Variants in CCDC149 observed in about 807,000 individuals in gnomAD.
The protein encoded by CCDC149 is coiled-coil domain-containing protein 149.
CCDC149 carries 45 observed loss-of-function variants against 59.9 expected under a neutral mutation model. The ratio of observed to expected loss-of-function variants is 0.75; its 90% CI spans 0.59 to 0.96. CCDC149 has a LOEUF of 0.96. CCDC149 is among the 40% of genes least tolerant of loss of function. CCDC149 has a pLI of 0.00. For synonymous variants in CCDC149, 245 were observed against 260.6 expected, an observed-to-expected ratio of 0.94 and a Z score of 0.58; for missense variants, 584 against 664.7, an observed-to-expected ratio of 0.88 and a Z score of 1.33.
At chr4:24,930,957 T>A (rs1442959180) in intron 1 of CCDC149, among the ~76,000 whole-genome samples, 1 of 152,144 alleles carries the variant, frequency 6.6e-6, no homozygotes, top group Non-Finnish European at 1.5e-5. Context: ...CTTCAAAGGA[T>A]TCTCACTGGT....
At chr4:24,841,416 G>A (rs977670106) in intron 4 of CCDC149, among the ~76,000 whole-genome samples, 8 of 152,162 alleles carry the variant, frequency 5.3e-5, no homozygotes, top group South Asian at 2.1e-4. Context: ...TTTATATATT[G>A]GATGCCTGTT....
intron 1 of CCDC149, among the ~76,000 whole-genome samples, chr4:24,958,841 G>T (rs559270772): frequency 1.3e-5 from 2 of 152,176 alleles, no homozygotes; most frequent in African/African-American, 4.8e-5. Flanking sequence ...AGACCTGCCT[G>T]GCCAACATGG....
intron 1 of CCDC149, among the ~76,000 whole-genome samples, chr4:24,908,746 GA>G (rs1721692932): frequency 6.6e-6 from 1 of 152,224 alleles, no homozygotes; most frequent in Non-Finnish European, 1.5e-5. Flanking sequence ...ACTTTGGGCG[GA>G]GGCCCATGGT....
At position 24,866,443 on chromosome 4, in the gene CCDC149, C is replaced by T. The variant is rs528081216; in HGVS notation, c.264+7238G>A. On this transcript the variant is annotated intron_variant, in intron 3 of 12. Coordinates refer to ENST00000635206, the MANE Select transcript of CCDC149 (RefSeq NM_001330643.2). ...AAATTAACCCGAGATAATTTAATTG[C>T]CCCTTTGTCTGCTTTGCAGGAACTG... 5.9e-5 allele frequency among the ~76,000 whole-genome samples: 9 copies of T among 152,252 alleles called. 1 individual carries two copies. The South Asian group carries it at 1.5e-3, about 25-fold the overall frequency.
chr4:24,878,749 T>G (rs1293695556), intron 1 of CCDC149, among the ~76,000 whole-genome samples: 1 of 152,194 alleles, frequency 6.6e-6, no homozygotes, highest in Admixed American at 6.5e-5. Flanking sequence ...CATGAAGACA[T>G]TGGAAGCTGC....
Position 24,808,315 on chromosome 4 carries a change from G to T in CCDC149, c.*74C>A. 1 of 1,325,188 alleles carries T rather than the reference G, an allele frequency of 7.5e-7. No homozygotes were observed. The highest frequency in any genetic ancestry group is 9.9e-7 in the Non-Finnish European group (1 of 1,008,506). The allele number at this position is 1,325,188 out of a possible 1,614,324, so 82.1% of individuals were successfully genotyped here. A position where few individuals can be genotyped will look rare whatever the true frequency, so the allele number is the denominator to read the frequency against. ...TATTTCAGGAGAAGGCGACGTGAGC[G>T]CACCATTCCGATGCTTCATTCTTGA... On this transcript the variant is annotated 3_prime_UTR_variant, in exon 13 of 13. Transcript: ENST00000635206.
At position 24,878,102 on chromosome 4, in the gene CCDC149, C is replaced by T. The variant is rs138841506; in HGVS notation, c.64-1405G>A. On this transcript the variant is annotated intron_variant, in intron 1 of 12. Transcript: ENST00000635206. ...ACTGGAGTCAATGCTCTTTTATGGACAAAAAGCATTACTCATATATAGTGC... is the reference window on the plus strand; with the variant it reads ...ACTGGAGTCAATGCTCTTTTATGGATAAAAAGCATTACTCATATATAGTGC... Among the ~76,000 whole-genome samples, 870 of 148,206 alleles carry T rather than the reference C, an allele frequency of 5.9e-3. 4 individuals carry two copies. The highest frequency in any genetic ancestry group is 0.021 in the African/African-American group (835 of 39,988).
At chr4:24,906,528 A>T (rs550174711) in intron 1 of CCDC149, among the ~76,000 whole-genome samples, 1 of 151,862 alleles carries the variant, frequency 6.6e-6, no homozygotes, top group African/African-American at 2.4e-5. Flanking sequence ...CCTCCCGAGT[A>T]GCTGGGATTA....
intron 1 of CCDC149, among the ~76,000 whole-genome samples, chr4:24,948,228 G>A (rs1723178232): frequency 6.6e-6 from 1 of 152,172 alleles, no homozygotes; most frequent in Non-Finnish European, 1.5e-5. Flanking sequence ...TGTTCTCGAG[G>A]ACAAATTAGG....
chr4:24,887,017 A>C (rs1354177721), intron 1 of CCDC149, among the ~76,000 whole-genome samples: 1 of 151,990 alleles, frequency 6.6e-6, no homozygotes, highest in Admixed American at 6.6e-5. Flanking sequence ...AGAGCTTACA[A>C]CTCATTTGTC....
Position 24,811,872 on chromosome 4 carries a change from C to CAA in CCDC149, c.1193-3055_1193-3054dup, listed in dbSNP as rs35269758. Among the ~76,000 whole-genome samples the CAA allele has an allele frequency of 4.8e-3, 649 of 135,034 alleles. 5 individuals are homozygous for CAA. The highest frequency in any genetic ancestry group is 0.017 in the African/African-American group (624 of 36,804). 88.6% of individuals were successfully genotyped at this position (135,034 alleles called of 152,430 possible). The stretch of plus-strand genomic sequence containing the variant: ...TGGGCTACAGAGTGAGACTCCGACT[C>CAA]AAAAAAAAAAAAAAAAAATTTCACT... On this transcript the variant is annotated intron_variant, in intron 12 of 12. Transcript: ENST00000635206.
At chr4:24,973,482 CT>C (rs1724044789) in intron 1 of CCDC149, among the ~76,000 whole-genome samples, 1 of 152,130 alleles carries the variant, frequency 6.6e-6, no homozygotes, top group Admixed American at 6.5e-5. Flanking sequence ...TAAAAAAAGT[CT>C]GGAGAAAAAG....
At chr4:24,896,808 T>C (rs1316044522) in intron 1 of CCDC149, among the ~76,000 whole-genome samples, 1 of 152,006 alleles carries the variant, frequency 6.6e-6, no homozygotes, top group African/African-American at 2.4e-5. Context: ...TAAAAATGGA[T>C]ACAAAGGGAC....
chr4:24,950,356 A>G (rs1364376339), intron 1 of CCDC149, among the ~76,000 whole-genome samples: 1 of 152,250 alleles, frequency 6.6e-6, no homozygotes, highest in Non-Finnish European at 1.5e-5. Flanking sequence ...AAATGTATTT[A>G]ATTAGTATCT....
At chr4:24,856,390 A>G (rs146209775) in intron 3 of CCDC149, among the ~76,000 whole-genome samples, 2 of 152,372 alleles carry the variant, frequency 1.3e-5, no homozygotes, top group Non-Finnish European at 2.9e-5. Context: ...TATATAATGA[A>G]TCCGTGTGCT....
chr4:24,972,361 G>T (rs773692727), intron 1 of CCDC149, among the ~76,000 whole-genome samples: 1 of 147,380 alleles, frequency 6.8e-6, no homozygotes, highest in African/African-American at 2.6e-5. Flanking sequence ...AGGCTGGAGT[G>T]CAGTGGTGCC....
At position 24,912,987 on chromosome 4, in the gene CCDC149, C is replaced by T. The variant is rs954344783; in HGVS notation, c.-108G>A. 4 of 340,478 alleles carry T rather than the reference C, an allele frequency of 1.2e-5. No homozygotes were observed. Among genetic ancestry groups the T allele is most frequent in the Admixed American group, 6.1e-5 (1 of 16,410 alleles). The allele number at this position is 340,478 out of a possible 1,614,324, so 21.1% of individuals were successfully genotyped here. ...CCCGAGAGGGCCCGGCGCCTCCGAG[C>T]CGCTGCGCCGCCGCCTCTCGCGGCC... On this transcript the variant is annotated 5_prime_UTR_variant, in exon 1 of 13. Coordinates refer to ENST00000635206, the MANE Select transcript of CCDC149 (RefSeq NM_001330643.2).
In CCDC149 at chr4:24,853,106, T is replaced by C; in HGVS notation, c.338A>G (p.Gln113Arg). The C allele has an allele frequency of 1.2e-6, 2 of 1,613,752 alleles. No individual in the cohort carries two copies. Among genetic ancestry groups the C allele is most frequent in the Non-Finnish European group, 8.5e-7 (1 of 1,179,620 alleles). Residue 113 changes from glutamine to arginine, a missense_variant, in exon 4 of 13, where the codon CAG (glutamine) becomes CGG (arginine). Transcript: ENST00000635206. ...GCCCTGGACTTCTCCAAGCCTTTGCTGAAGTTCTTTAATTTCTTCTCCCAG... is the reference window on the plus strand; with the variant it reads ...GCCCTGGACTTCTCCAAGCCTTTGCCGAAGTTCTTTAATTTCTTCTCCCAG...
chr4:24,840,275 G>A (rs558985327), intron 4 of CCDC149, among the ~76,000 whole-genome samples: 14 of 152,290 alleles, frequency 9.2e-5, no homozygotes, highest in South Asian at 8.3e-4. Flanking sequence ...TCCCAGGCAG[G>A]TGGAACAGAC....
Sources: gnomAD v4.1 joint callset for allele counts (sites outside exome capture counted in the v4.1 genomes callset) on GRCh38, gnomAD v4.1.1 for gene constraint, MANE v1.5 for transcripts, NCBI Gene and HGNC (gene_info 2026-07-23, HGNC 2026-07-21) for gene names.